ZBTB20: variants seen among roughly 807,000 people sequenced by gnomAD.
ZBTB20 encodes the protein zinc finger and BTB domain-containing protein 20.
ZBTB20 carries 9 observed loss-of-function variants against 56.9 expected under a neutral mutation model. The observed-to-expected ratio is 0.16, with a 90% CI of 0.10 to 0.28. The LOEUF (loss-of-function observed/expected upper bound fraction) is 0.28. Ranked by LOEUF, ZBTB20 falls within the 10% of genes least tolerant of loss-of-function variation. ZBTB20 has a pLI of 1.00. For synonymous variants in ZBTB20, 417 were observed against 420.7 expected, an observed-to-expected ratio of 0.99 and a Z score of 0.11; for missense variants, 655 against 1,003.0, an observed-to-expected ratio of 0.65 and a Z score of 4.69.
At position 114,339,595 on chromosome 3, in the gene ZBTB20, G is replaced by A. The variant is rs1382272191; in HGVS notation, c.1805-169C>T. 6.6e-6 allele frequency among the ~76,000 whole-genome samples: 1 copy of A among 152,184 alleles called. No homozygotes were observed. The highest frequency in any genetic ancestry group is 1.5e-5 in the Non-Finnish European group (1 of 68,022). On this transcript the variant is annotated intron_variant, in intron 11 of 11. Transcript: ENST00000675478. This position sits in a 1 kb window ranked among gnomAD's most constrained non-coding sequence, Gnocchi z 4.2. ...GTTTGGAAAAATCCAGGCCCTCCTAGCCTCTCATGTGCAGAGAAATTTTGC... is the reference window on the plus strand; with the variant it reads ...GTTTGGAAAAATCCAGGCCCTCCTAACCTCTCATGTGCAGAGAAATTTTGC...
At chr3:114,518,754 C>CA (rs1192929803) in intron 6 of ZBTB20, 1 of 152,222 alleles carries the variant, frequency 6.6e-6, no homozygotes, top group Non-Finnish European at 1.5e-5. Context: ...TTTTCTTACC[C>CA]AAGCTGCATC....
intron 7 of ZBTB20, among the ~76,000 whole-genome samples, chr3:114,437,656 C>T (rs2090609167): frequency 6.6e-6 from 1 of 152,072 alleles, no homozygotes; most frequent in African/African-American, 2.4e-5. Context: ...TCAAGGTGGC[C>T]AGTCAGGCTC....
intron 2 of ZBTB20, among the ~76,000 whole-genome samples, chr3:114,985,807 A>T (rs1190620387): frequency 1.3e-5 from 2 of 152,120 alleles, no homozygotes; most frequent in African/African-American, 4.8e-5. Context: ...AGGTGAAAAC[A>T]TCCATTCATT....
chr3:114,544,621 A>G (rs2049632450), intron 6 of ZBTB20, among the ~76,000 whole-genome samples: 1 of 150,610 alleles, frequency 6.6e-6, no homozygotes, highest in African/African-American at 2.4e-5. Flanking sequence ...CTTCCACATC[A>G]GCCTGTCGAG....
intron 2 of ZBTB20, among the ~76,000 whole-genome samples, chr3:115,051,334 G>A (rs1454089155): frequency 6.6e-6 from 1 of 151,856 alleles, no homozygotes; most frequent in Non-Finnish European, 1.5e-5. Context: ...ATTTTGGAGA[G>A]AAAAATGAGA....
At chr3:115,101,548 T>G (rs2083583809) in intron 1 of ZBTB20, among the ~76,000 whole-genome samples, 2 of 152,160 alleles carry the variant, frequency 1.3e-5, no homozygotes, top group South Asian at 4.1e-4. Context: ...AAAACTAGAC[T>G]CTGCTTGACG....
intron 4 of ZBTB20, among the ~76,000 whole-genome samples, chr3:114,810,020 G>A (rs547511938): frequency 6.6e-6 from 1 of 152,186 alleles, no homozygotes; most frequent in Admixed American, 6.5e-5. Context: ...GTCAGCCAAC[G>A]ATCAGTCACA....
intron 7 of ZBTB20, among the ~76,000 whole-genome samples, chr3:114,417,962 C>T (rs1344128117): frequency 1.3e-5 from 2 of 151,930 alleles, no homozygotes; most frequent in African/African-American, 2.4e-5. Context: ...CCCAAAAAGT[C>T]GATGATAGAA....
At chr3:114,345,330 G>T (rs540126617) in intron 11 of ZBTB20, among the ~76,000 whole-genome samples, 1 of 152,048 alleles carries the variant, frequency 6.6e-6, no homozygotes, top group Non-Finnish European at 1.5e-5. Context: ...TAAAGGGAAG[G>T]TGTAAAGATA....
intron 6 of ZBTB20, among the ~76,000 whole-genome samples, chr3:114,563,994 T>C (rs545102509): frequency 6.6e-6 from 1 of 152,324 alleles, no homozygotes; most frequent in Non-Finnish European, 1.5e-5. Flanking sequence ...AGCAGAGTTA[T>C]GTTTTTTTCT....
At position 114,325,427 on chromosome 3, in the gene ZBTB20, T is replaced by G. The variant is rs1158015726; in HGVS notation, c.*13578A>C. The G allele has an allele frequency of 6.6e-6, 1 of 152,208 alleles. No individual in the cohort carries two copies. The highest frequency in any genetic ancestry group is 1.5e-5 in the Non-Finnish European group (1 of 68,038). The allele number at this position is 152,208 out of a possible 1,614,324, so 9.4% of individuals were successfully genotyped here. ...ATTTGAACTATTATTTTATTTTCAG[T>G]GATCTCTCTGTACACTCCTCTCGGG... is the stretch of plus-strand genomic sequence containing the variant. On this transcript the variant is annotated 3_prime_UTR_variant, in exon 12 of 12. Transcript: ENST00000675478.
chr3:114,967,611 GC>G (rs2077696898), intron 3 of ZBTB20, among the ~76,000 whole-genome samples: 1 of 152,060 alleles, frequency 6.6e-6, no homozygotes, highest in African/African-American at 2.4e-5. Flanking sequence ...AGGGGGGAAA[GC>G]CTAGATTCAA....
chr3:114,488,761 C>T (rs1247233240), intron 7 of ZBTB20, among the ~76,000 whole-genome samples: 2 of 152,126 alleles, frequency 1.3e-5, no homozygotes, highest in Non-Finnish European at 2.9e-5. Flanking sequence ...TATGCATGTG[C>T]ATATAAAGAC....
intron 6 of ZBTB20, among the ~76,000 whole-genome samples, chr3:114,531,147 C>T (rs1054032956): frequency 1.3e-5 from 2 of 152,162 alleles, no homozygotes; most frequent in African/African-American, 2.4e-5. Context: ...TTTGTGCCAC[C>T]TTAAATTCAA....
intron 5 of ZBTB20, among the ~76,000 whole-genome samples, chr3:114,719,288 G>T (rs2064741290): frequency 6.6e-6 from 1 of 152,004 alleles, no homozygotes; most frequent in African/African-American, 2.4e-5. Flanking sequence ...TTAAGGAAAA[G>T]AAAATTCATG....
chr3:114,731,704 C>T (rs1162055557), intron 5 of ZBTB20, among the ~76,000 whole-genome samples: 1 of 151,676 alleles, frequency 6.6e-6, no homozygotes. Context: ...AGTAACTAAC[C>T]CGGCTGTACC....
At chr3:114,522,081 T>C (rs886806331) in intron 6 of ZBTB20, among the ~76,000 whole-genome samples, 1 of 152,088 alleles carries the variant, frequency 6.6e-6, no homozygotes, top group Non-Finnish European at 1.5e-5. Flanking sequence ...TTATATTCCA[T>C]GGCAAGAGGA....
chr3:114,624,395 A>G (rs531063557), intron 6 of ZBTB20, among the ~76,000 whole-genome samples: 1 of 152,124 alleles, frequency 6.6e-6, no homozygotes, highest in East Asian at 1.9e-4. Flanking sequence ...TGCCAGAGGA[A>G]TGTACATTAT....
At chr3:114,446,437 G>A (rs766126101) in intron 7 of ZBTB20, among the ~76,000 whole-genome samples, 23 of 152,104 alleles carry the variant, frequency 1.5e-4, no homozygotes, top group Non-Finnish European at 2.6e-4. Flanking sequence ...TGCTCTTTGT[G>A]AGAAGTTTTG....
Sources: gnomAD v4.1 joint callset for allele counts (sites outside exome capture counted in the v4.1 genomes callset) on GRCh38, gnomAD v4.1.1 for gene constraint, Gnocchi (gnomAD v3.1) non-coding constraint, MANE v1.5 for transcripts, NCBI Gene and HGNC (gene_info 2026-07-23, HGNC 2026-07-21) for gene names.